The following DIAPH3 variants were observed in gnomAD, a reference collection of about 807,000 sequenced individuals.
DIAPH3 encodes diaphanous related formin 3, also known as protein diaphanous homolog 3.
Under a neutral mutation model 144.3 loss-of-function variants are expected in DIAPH3, and 117 were observed. The ratio of observed to expected loss-of-function variants is 0.81; its 90% CI spans 0.70 to 0.95. The LOEUF (loss-of-function observed/expected upper bound fraction) is 0.95, where lower values mean the gene tolerates loss of function less well. DIAPH3 is among the 40% of genes least tolerant of loss of function. DIAPH3 has a pLI of 0.00. For synonymous variants in DIAPH3, 519 were observed against 488.9 expected (o/e 1.06, Z -0.81); for missense variants, 1,421 against 1,412.7 (o/e 1.01, Z -0.09).
chr13:60,083,616 A>G (rs2057639474), intron 4 of DIAPH3, among the ~76,000 whole-genome samples: 1 of 152,132 alleles, frequency 6.6e-6, no homozygotes, highest in Non-Finnish European at 1.5e-5. Flanking sequence ...TGAAGATTAA[A>G]CAAGACATAG....
intron 25 of DIAPH3, among the ~76,000 whole-genome samples, chr13:59,810,429 G>A (rs185707968): frequency 2.6e-4 from 40 of 152,192 alleles, no homozygotes; most frequent in African/African-American, 7.7e-4. Flanking sequence ...TGAAGAAACC[G>A]GGTTACATGT....
chr13:60,082,364 C>G (rs1191814159), intron 4 of DIAPH3, among the ~76,000 whole-genome samples: 6 of 146,606 alleles, frequency 4.1e-5, no homozygotes, highest in Admixed American at 2.7e-4. Context: ...AAAAAGAAAA[C>G]CAAAGCAAAA....
rs148501986 is a variant in DIAPH3 at position 59,903,404 on chromosome 13, T to C, written c.2367+8331A>G. 4.8e-3 allele frequency among the ~76,000 whole-genome samples: 731 copies of C among 152,280 alleles called. 3 individuals are homozygous for C. The highest frequency in any genetic ancestry group is 0.026 in the South Asian group (124 of 4,816). On this transcript the variant is annotated intron_variant, in intron 20 of 27. Transcript: ENST00000400324. ...GTGTTTCAGTAAGCCATGATTCTTATACCAAATCACAATTTCCTCAACATC... is the reference window on the plus strand; with the variant it reads ...GTGTTTCAGTAAGCCATGATTCTTACACCAAATCACAATTTCCTCAACATC...
intron 22 of DIAPH3, chr13:59,861,146 C>T (rs1360026735): frequency 8.6e-7 from 1 of 1,163,352 alleles, no homozygotes; most frequent in Non-Finnish European, 1.2e-6. Context: ...GAAGGTAGGG[C>T]TAGCAGGTAT....
At chr13:59,848,042 C>T (rs1412557620) in intron 22 of DIAPH3, among the ~76,000 whole-genome samples, 1 of 152,178 alleles carries the variant, frequency 6.6e-6, no homozygotes, top group African/African-American at 2.4e-5. Flanking sequence ...GCGCATCTTG[C>T]TGGTTCTAAC....
intron 17 of DIAPH3, among the ~76,000 whole-genome samples, chr13:59,950,736 T>TA (rs2049050218): frequency 6.6e-6 from 1 of 152,110 alleles, no homozygotes; most frequent in South Asian, 2.1e-4. Context: ...TTAAATATAC[T>TA]TAATAGCTGT....
rs150323772 is a variant in DIAPH3, at chr13:60,029,995, C to G, written c.626+12695G>C. 7.7e-3 allele frequency among the ~76,000 whole-genome samples: 1,177 copies of G among 152,252 alleles called. 17 individuals are homozygous for G. The highest frequency in any genetic ancestry group is 0.026 in the African/African-American group (1,092 of 41,536). The stretch of plus-strand genomic sequence containing the variant: ...CTCTCCTCTCTCCATCCCTCTGCCA[C>G]ACGGTTTTTCCACCTCATGTTCAGT... On this transcript the variant is annotated intron_variant, in intron 5 of 27. Coordinates refer to ENST00000400324, the MANE Select transcript of DIAPH3 (RefSeq NM_001042517.2).
At chr13:59,914,504 T>C (rs1404581136) in intron 19 of DIAPH3, among the ~76,000 whole-genome samples, 2 of 152,192 alleles carry the variant, frequency 1.3e-5, no homozygotes, top group Admixed American at 1.3e-4. Flanking sequence ...TTAAGTTACA[T>C]GGCAAAGGGA....
intron 19 of DIAPH3, among the ~76,000 whole-genome samples, chr13:59,913,161 G>A (rs2047074474): frequency 6.6e-6 from 1 of 152,000 alleles, no homozygotes; most frequent in African/African-American, 2.4e-5. Flanking sequence ...CATCCTTTTA[G>A]ACAAATCCCC....
At chr13:59,908,237 T>G (rs2046828326) in intron 20 of DIAPH3, among the ~76,000 whole-genome samples, 2 of 151,584 alleles carry the variant, frequency 1.3e-5, no homozygotes, top group Non-Finnish European at 2.9e-5. Flanking sequence ...GGGCTTGGTG[T>G]TGTGCACCAA....
At chr13:60,021,518 G>GATTA (rs2054018341) in intron 5 of DIAPH3, among the ~76,000 whole-genome samples, 3 of 151,960 alleles carry the variant, frequency 2.0e-5, no homozygotes, top group Non-Finnish European at 4.4e-5. Flanking sequence ...CAGCTACTTG[G>GATTA]GAGGCTGAGG....
chr13:60,093,310 A>C (rs2058011111), intron 4 of DIAPH3, among the ~76,000 whole-genome samples: 1 of 152,216 alleles, frequency 6.6e-6, no homozygotes, highest in Admixed American at 6.5e-5. Flanking sequence ...TATAATGCAG[A>C]TATCACTGTG....
intron 16 of DIAPH3, 35 bp from the exon 17 acceptor site, chr13:59,970,093 T>A: frequency 7.6e-7 from 1 of 1,308,554 alleles, no homozygotes; most frequent in Non-Finnish European, 1.1e-6. Flanking sequence ...CATCAATAGG[T>A]GAGTGTTTCA....
intron 2 of DIAPH3, among the ~76,000 whole-genome samples, chr13:60,127,954 T>G (rs566125339): frequency 6.6e-6 from 1 of 152,152 alleles, no homozygotes; most frequent in Non-Finnish European, 1.5e-5. Context: ...GTTTGTTATA[T>G]AGATAAACTC....
intron 20 of DIAPH3, among the ~76,000 whole-genome samples, chr13:59,906,640 T>C (rs17729071): frequency 0.057 from 8,684 of 152,200 alleles, 298 homozygotes; most frequent in Admixed American, 0.1. Context: ...TGGTGGTAGA[T>C]CAAAATACAG....
rs529982417 is a variant in DIAPH3 at position 59,734,820 on chromosome 13, C to G, written c.3319+39369G>C. Among the ~76,000 whole-genome samples the G allele has an allele frequency of 1.4e-4, 22 of 152,246 alleles. No homozygotes were observed. The South Asian group carries it at 4.6e-3, about 32-fold the overall frequency. On this transcript the variant is annotated intron_variant, in intron 27 of 27. Coordinates refer to ENST00000400324, the MANE Select transcript of DIAPH3 (RefSeq NM_001042517.2). ...AATTTTAAAAAATATAACTATTAAG[C>G]AAGATTAATGCCAAAAGTTTATTTC...
chr13:59,729,603 T>C (rs1269526038), intron 27 of DIAPH3, among the ~76,000 whole-genome samples: 3 of 151,810 alleles, frequency 2.0e-5, no homozygotes, highest in Non-Finnish European at 2.9e-5. Flanking sequence ...ATACGTGTGA[T>C]AAATTGCAAA....
intron 3 of DIAPH3, among the ~76,000 whole-genome samples, chr13:60,100,262 G>C (rs1320662610): frequency 6.6e-6 from 1 of 152,048 alleles, no homozygotes; most frequent in African/African-American, 2.4e-5. Flanking sequence ...TAATGAGAAG[G>C]CTGATCACCT....
intron 1 of DIAPH3, among the ~76,000 whole-genome samples, chr13:60,147,816 G>T (rs141644763): frequency 1.3e-5 from 2 of 152,328 alleles, no homozygotes; most frequent in African/African-American, 4.8e-5. Context: ...ATGCAGGAGA[G>T]AAACTGAAGG....
Sources: allele counts gnomAD v4.1 joint callset (sites outside exome capture counted in the v4.1 genomes callset), GRCh38; gene constraint gnomAD v4.1.1; transcripts MANE v1.5; gene names NCBI Gene and HGNC (gene_info 2026-07-23, HGNC 2026-07-21).